Variants in TTLL11 observed in about 807,000 individuals in gnomAD.
TTLL11 encodes tubulin tyrosine ligase like 11.
Under a neutral mutation model 51.7 loss-of-function variants are expected in TTLL11, and 42 were observed. The observed-to-expected ratio is 0.81, with a 90% CI of 0.64 to 1.05. The LOEUF (loss-of-function observed/expected upper bound fraction) is 1.05, where lower values mean the gene tolerates loss of function less well. Among genes scored for constraint, TTLL11 ranks in the 50% least tolerant of loss-of-function variants. The pLI, the probability that TTLL11 is intolerant of heterozygous loss-of-function variation, is 0.00. For synonymous variants in TTLL11, 381 were observed against 383.5 expected (o/e 0.99, Z 0.08); for missense variants, 799 against 940.4 (o/e 0.85, Z 1.97).
intron 8 of TTLL11, among the ~76,000 whole-genome samples, chr9:121,856,190 G>A (rs1837812211): frequency 6.6e-6 from 1 of 152,220 alleles, no homozygotes; most frequent in African/African-American, 2.4e-5. Flanking sequence ...TCCTGCCTCA[G>A]CTTCCCAAGT....
At chr9:122,017,522 G>A (rs1844023636) in intron 3 of TTLL11, among the ~76,000 whole-genome samples, 1 of 149,256 alleles carries the variant, frequency 6.7e-6, no homozygotes, top group Non-Finnish European at 1.5e-5. Context: ...GAGTGCAGAG[G>A]TGCGATCTTG....
rs142422354 is a variant in TTLL11, at chr9:122,012,676, A to G, written c.693+19047T>C. 1.5e-3 allele frequency among the ~76,000 whole-genome samples: 222 copies of G among 144,450 alleles called. 2 individuals are homozygous for G. Among genetic ancestry groups the G allele is most frequent in the African/African-American group, 5.8e-3 (208 of 35,948 alleles). The allele number at this position is 144,450 out of a possible 152,430, so 94.8% of individuals were successfully genotyped here. On this transcript the variant is annotated intron_variant, in intron 3 of 8. Coordinates refer to ENST00000321582, the MANE Select transcript of TTLL11 (RefSeq NM_001139442.2). ...AAAAAATACACATACACACACACAC[A>G]CGCACACACACACACACACACACAC...
intron 1 of TTLL11, among the ~76,000 whole-genome samples, chr9:122,078,651 G>C (rs1249514311): frequency 1.3e-5 from 2 of 152,110 alleles, no homozygotes; most frequent in Non-Finnish European, 2.9e-5. Flanking sequence ...CATGATTATA[G>C]CTTTTTATGC....
In TTLL11 at chr9:121,822,246, A is replaced by C; in HGVS notation, c.*341T>G. 6.1e-6 allele frequency: 1 copy of C among 163,686 alleles called. No individual in the cohort carries two copies. Among genetic ancestry groups the C allele is most frequent in the Non-Finnish European group, 1.3e-5 (1 of 75,774 alleles). 10.1% of individuals were successfully genotyped at this position (163,686 alleles called of 1,614,324 possible). A position where few individuals can be genotyped will look rare whatever the true frequency, so the allele number is the denominator to read the frequency against. On this transcript the variant is annotated 3_prime_UTR_variant, in exon 9 of 9. Transcript: ENST00000321582. The surrounding 1 kb of genome is among the most constrained non-coding windows in gnomAD (Gnocchi z 5.8). ...CCTCTCCACAGCTCCGGGCCTTGGG[A>C]TCGATTGTGTCCTGTGCCCCAAATA...
intron 6 of TTLL11, among the ~76,000 whole-genome samples, chr9:121,920,240 C>T (rs1840482818): frequency 6.6e-6 from 1 of 152,204 alleles, no homozygotes; most frequent in Admixed American, 6.5e-5. Flanking sequence ...GAGGTCGAGG[C>T]TGCAGTGAGC....
intron 1 of TTLL11, among the ~76,000 whole-genome samples, chr9:122,061,569 T>C (rs928058078): frequency 3.3e-5 from 5 of 152,198 alleles, no homozygotes; most frequent in South Asian, 2.1e-4. Context: ...GGATGTGAAA[T>C]GGTAGCTCAT....
intron 7 of TTLL11, among the ~76,000 whole-genome samples, chr9:121,864,418 G>A (rs1037771761): frequency 2.6e-5 from 4 of 152,208 alleles, no homozygotes; most frequent in Non-Finnish European, 4.4e-5. Flanking sequence ...ACCATGAGAA[G>A]CCAGAAAAGT....
intron 4 of TTLL11, among the ~76,000 whole-genome samples, chr9:121,978,536 A>G (rs901848496): frequency 2.0e-5 from 3 of 152,070 alleles, no homozygotes; most frequent in Non-Finnish European, 4.4e-5. Context: ...GCAGCTTAGC[A>G]TGGGGAAAGC....
chr9:121,992,638 T>C (rs182683373), intron 3 of TTLL11, among the ~76,000 whole-genome samples: 2 of 152,368 alleles, frequency 1.3e-5, no homozygotes, highest in African/African-American at 4.8e-5. Context: ...GCGCTTATGC[T>C]ACAACTGATG....
intron 6 of TTLL11, among the ~76,000 whole-genome samples, chr9:121,892,679 C>A (rs539850086): frequency 6.6e-6 from 1 of 152,302 alleles, no homozygotes; most frequent in Admixed American, 6.5e-5. Flanking sequence ...CTCTTACTGT[C>A]CCCCTGAATG....
chr9:122,021,391 T>C (rs922360275), intron 3 of TTLL11, among the ~76,000 whole-genome samples: 2 of 152,130 alleles, frequency 1.3e-5, no homozygotes, highest in Non-Finnish European at 2.9e-5. Flanking sequence ...TGGAGCGTCT[T>C]CCTTAAATGT....
intron 3 of TTLL11, among the ~76,000 whole-genome samples, chr9:122,018,641 A>G (rs577738111): frequency 6.6e-6 from 1 of 152,344 alleles, no homozygotes; most frequent in Middle Eastern, 3.4e-3. Flanking sequence ...AGATCCTGTA[A>G]GGAAGAGATG....
At chr9:122,056,558 A>C (rs73662578) in intron 1 of TTLL11, among the ~76,000 whole-genome samples, 4,804 of 152,270 alleles carry the variant, frequency 0.032, 190 homozygotes, top group Admixed American at 0.11. Context: ...CTTAGGCCCC[A>C]TGGAACTGAG....
intron 6 of TTLL11, among the ~76,000 whole-genome samples, chr9:121,936,326 C>T (rs569898355): frequency 1.3e-5 from 2 of 151,330 alleles, no homozygotes; most frequent in Non-Finnish European, 2.9e-5. Context: ...TGCAGTGGCT[C>T]GATCACTGCT....
intron 6 of TTLL11, among the ~76,000 whole-genome samples, chr9:121,904,832 T>C (rs937193799): frequency 3.3e-5 from 5 of 152,184 alleles, no homozygotes. Context: ...TCCCCACAGA[T>C]AACCTTCGTG....
Position 121,821,168 on chromosome 9 carries a change from G to A in TTLL11, c.*1419C>T, listed in dbSNP as rs183396075. ...AACTTGTTTCCACAGATGCTTTTGAGTACCTGTTATGAACCAGGTCAACTG... is the reference window on the plus strand; with the variant it reads ...AACTTGTTTCCACAGATGCTTTTGAATACCTGTTATGAACCAGGTCAACTG... On this transcript the variant is annotated 3_prime_UTR_variant, in exon 9 of 9. Transcript: ENST00000321582. The surrounding 1 kb of genome is among the most constrained non-coding windows in gnomAD (Gnocchi z 5.0). 9.9e-5 allele frequency among the ~76,000 whole-genome samples: 15 copies of A among 152,248 alleles called. No homozygotes were observed. The highest frequency in any genetic ancestry group is 3.4e-4 in the African/African-American group (14 of 41,548).
rs946482033 is a variant in TTLL11, at chr9:121,853,349, C to T, written c.1840+6988G>A. ...CAATGTGTGCTGTGGTCAAGGGCAG[C>T]GCTGGGTGCTGCGGAGCAGGTGAGA... On this transcript the variant is annotated intron_variant, in intron 8 of 8. Transcript: ENST00000321582. This position sits in a 1 kb window ranked among gnomAD's most constrained non-coding sequence, Gnocchi z 5.6. Among the ~76,000 whole-genome samples, 1 of 151,652 alleles carries T rather than the reference C, an allele frequency of 6.6e-6. No individual in the cohort carries two copies. Among genetic ancestry groups the T allele is most frequent in the East Asian group, 2.0e-4 (1 of 5,124 alleles).
intron 7 of TTLL11, among the ~76,000 whole-genome samples, chr9:121,866,589 G>A (rs1377473375): frequency 6.6e-6 from 1 of 151,584 alleles, no homozygotes; most frequent in Non-Finnish European, 1.5e-5. Context: ...GAACCTGGGA[G>A]GTGGAGGTTG....
chr9:121,896,007 T>C (rs903879656), intron 6 of TTLL11, among the ~76,000 whole-genome samples: 2 of 145,988 alleles, frequency 1.4e-5, no homozygotes, highest in Non-Finnish European at 3.0e-5. Flanking sequence ...TGAGTGTGTA[T>C]GTGTGGTTGT....
Sources: allele counts gnomAD v4.1 joint callset (sites outside exome capture counted in the v4.1 genomes callset), GRCh38; gene constraint gnomAD v4.1.1; non-coding constraint Gnocchi (gnomAD v3.1); transcripts MANE v1.5; gene names NCBI Gene and HGNC (gene_info 2026-07-23, HGNC 2026-07-21).